Variants in KAT6B observed in about 807,000 individuals in gnomAD.
The protein encoded by KAT6B is histone acetyltransferase KAT6B.
Under a neutral mutation model 187.5 loss-of-function variants are expected in KAT6B, and 10 were observed. That is an observed-to-expected ratio of 0.05 (90% CI 0.03 to 0.09). The LOEUF is 0.09. Ranked by LOEUF, KAT6B falls within the 10% of genes least tolerant of loss-of-function variation. KAT6B has a pLI of 1.00. For synonymous variants in KAT6B, 861 were observed against 926.8 expected (o/e 0.93, Z 1.29); for missense variants, 1,952 against 2,558.9 (o/e 0.76, Z 5.12).
chr10:74,966,198 A>G, intron 4 of KAT6B, among the ~76,000 whole-genome samples: 1 of 152,150 alleles, frequency 6.6e-6, no homozygotes, highest in Non-Finnish European at 1.5e-5. Context: ...AGTCTCTCTC[A>G]TGCTTTGAAC....
chr10:74,940,573 CTTTG>C (rs1849596921), intron 3 of KAT6B, among the ~76,000 whole-genome samples: 1 of 148,504 alleles, frequency 6.7e-6, no homozygotes, highest in African/African-American at 2.5e-5. Flanking sequence ...CGTGCCCGGC[CTTTG>C]TTTTTTTTTT....
chr10:74,959,311 A>T (rs1395047163), intron 3 of KAT6B, among the ~76,000 whole-genome samples: 1 of 152,214 alleles, frequency 6.6e-6, no homozygotes, highest in Non-Finnish European at 1.5e-5. Flanking sequence ...CAGTCTATAC[A>T]TGATATTCAT....
chr10:74,975,137 A>T (rs1391570974), intron 7 of KAT6B, among the ~76,000 whole-genome samples: 1 of 152,144 alleles, frequency 6.6e-6, no homozygotes, highest in Non-Finnish European at 1.5e-5. Flanking sequence ...TAGTCTCTTC[A>T]GCATTTTTCT....
intron 6 of KAT6B, among the ~76,000 whole-genome samples, chr10:74,970,808 A>G (rs975467339): frequency 6.6e-6 from 1 of 152,228 alleles, no homozygotes; most frequent in African/African-American, 2.4e-5. Flanking sequence ...TACCCTTTGA[A>G]GGGAAATGGA....
chr10:74,958,107 A>T (rs1840816469), intron 3 of KAT6B, among the ~76,000 whole-genome samples: 1 of 152,268 alleles, frequency 6.6e-6, no homozygotes, highest in Non-Finnish European at 1.5e-5. Context: ...CATATTAAAC[A>T]ATTTGTGAAT....
At chr10:74,989,284 T>C (rs1443145464) in intron 13 of KAT6B, among the ~76,000 whole-genome samples, 172 bp downstream of exon 13, 1 of 152,250 alleles carries the variant, frequency 6.6e-6, no homozygotes, top group East Asian at 1.9e-4. Context: ...AAAAATGTAC[T>C]GCTGCTCAGT....
At chr10:74,862,176 G>A (rs1843231865) in intron 3 of KAT6B, among the ~76,000 whole-genome samples, 1 of 152,144 alleles carries the variant, frequency 6.6e-6, no homozygotes, top group African/African-American at 2.4e-5. Flanking sequence ...CTCTATTAAT[G>A]TATTGATTTA....
intron 3 of KAT6B, among the ~76,000 whole-genome samples, chr10:74,941,364 A>G (rs962192371): frequency 1.3e-5 from 2 of 152,266 alleles, no homozygotes; most frequent in Admixed American, 6.5e-5. Flanking sequence ...TTTTCTGCCA[A>G]TAACATTACA....
At chr10:74,996,565 T>G (rs1170552115) in intron 13 of KAT6B, among the ~76,000 whole-genome samples, 1 of 151,682 alleles carries the variant, frequency 6.6e-6, no homozygotes, top group Non-Finnish European at 1.5e-5. Context: ...GGTCAGGAGA[T>G]CGAGACCATC....
In KAT6B at chr10:74,975,482, C is replaced by A. The variant is rs774124384; in HGVS notation, c.1145C>A (p.Thr382Asn). 6.2e-7 allele frequency: 1 copy of A among 1,614,106 alleles called. No homozygotes were observed. Among genetic ancestry groups the A allele is most frequent in the Non-Finnish European group, 8.5e-7 (1 of 1,180,008 alleles). Residue 382 changes from threonine to asparagine, a missense_variant, in exon 8 of 18, where the codon ACC (threonine) becomes AAC (asparagine). Around this residue, in one of 9 missense-constraint regions of KAT6B, gnomAD observed 417 missense variants for 508.9 expected, o/e 0.82. Transcript: ENST00000287239. ...AGGGGTCAAAAGACTAAAGTCTGTA[C>A]CACACCTTCATCTGGTCATGCTGCA... is the stretch of plus-strand genomic sequence containing the variant. The part of the protein sequence containing the change: ...PGRGQKTKVC[T>N]TPSSGHAASG...
chr10:74,862,925 C>G (rs974116404), intron 3 of KAT6B, among the ~76,000 whole-genome samples: 1 of 152,144 alleles, frequency 6.6e-6, no homozygotes, highest in Admixed American at 6.5e-5. Flanking sequence ...AGCTGTAAAC[C>G]GATGTCCTCA....
chr10:74,930,859 C>G (rs1183127535), intron 3 of KAT6B, among the ~76,000 whole-genome samples: 1 of 152,154 alleles, frequency 6.6e-6, no homozygotes. Flanking sequence ...ATTGTAATTT[C>G]CCCCTCGACC....
At chr10:74,830,801 T>A (rs1261748766) in intron 1 of KAT6B, among the ~76,000 whole-genome samples, 23 of 85,632 alleles carry the variant, frequency 2.7e-4, no homozygotes, top group Non-Finnish European at 4.9e-4. Flanking sequence ...TTTTTTTTTT[T>A]TTTGAGACGG....
chr10:75,030,064 G>A lies in KAT6B; in HGVS notation c.5240G>A (p.Ser1747Asn), dbSNP rs1343301989. 1.9e-6 allele frequency: 3 copies of A among 1,614,234 alleles called. No individual in the cohort carries two copies. Among genetic ancestry groups the A allele is most frequent in the South Asian group, 2.2e-5 (2 of 91,084 alleles). Residue 1747 changes from serine to asparagine, a missense_variant, in exon 18 of 18, where the codon AGC (serine) becomes AAC (asparagine). Coordinates refer to ENST00000287239, the MANE Select transcript of KAT6B (RefSeq NM_012330.4). The surrounding 1 kb of genome is among the most constrained non-coding windows in gnomAD (Gnocchi z 4.8). ...QTSISSPPTC[S>N]VKSPQGCVVE... is the part of the protein sequence containing the mutation. ...AGCATCAGCTCCCCTCCGACCTGCA[G>A]CGTCAAGTCTCCTCAAGGCTGTGTG...
intron 3 of KAT6B, among the ~76,000 whole-genome samples, chr10:74,852,394 T>G (rs1247095224): frequency 6.6e-6 from 1 of 152,204 alleles, no homozygotes; most frequent in Non-Finnish European, 1.5e-5. Flanking sequence ...ACGAGGTGGA[T>G]CAAATACTTG....
intron 3 of KAT6B, among the ~76,000 whole-genome samples, chr10:74,866,891 T>A (rs1843591489): frequency 1.3e-5 from 2 of 152,180 alleles, no homozygotes; most frequent in South Asian, 2.1e-4. Context: ...ACATCTCAAG[T>A]CTCACCTCAA....
chr10:74,975,837 C>A lies in KAT6B; in HGVS notation c.1500C>A (p.Ile500=). 6.2e-7 allele frequency: 1 copy of A among 1,614,180 alleles called. No individual in the cohort carries two copies. Residue 500 remains isoleucine, a synonymous_variant, in exon 8 of 18, where the codon ATC becomes ATA. Transcript: ENST00000287239. Reference sequence around the variant, plus strand: ...CTTCACTTCCACCCCCAACCCCCATCTCCGGTCAGAGCCCCAGTTCACAAA... The same window carrying A: ...CTTCACTTCCACCCCCAACCCCCATATCCGGTCAGAGCCCCAGTTCACAAA... The part of the protein sequence containing the change: ...PPSSLPPPTP[I]SGQSPSSQKS...
At chr10:74,827,753 A>T (rs1398011708) in intron 1 of KAT6B, among the ~76,000 whole-genome samples, 1 of 151,992 alleles carries the variant, frequency 6.6e-6, no homozygotes, top group Non-Finnish European at 1.5e-5. Context: ...GATTTGGTGG[A>T]CTGTGCCAGG....
intron 3 of KAT6B, among the ~76,000 whole-genome samples, chr10:74,879,039 T>C (rs374111449): frequency 6.6e-6 from 1 of 152,194 alleles, no homozygotes; most frequent in East Asian, 1.9e-4. Flanking sequence ...TTATATTTCA[T>C]TGGCTTGAGC....
Sources: gnomAD v4.1 joint callset for allele counts (sites outside exome capture counted in the v4.1 genomes callset) on GRCh38, gnomAD v4.1.1 for gene constraint, gnomAD v4.1.1 regional missense constraint, Gnocchi (gnomAD v3.1) non-coding constraint, MANE v1.5 for transcripts, NCBI Gene and HGNC (gene_info 2026-07-23, HGNC 2026-07-21) for gene names.